SFMBT2: variants seen among roughly 807,000 people sequenced by gnomAD.
The protein encoded by SFMBT2 is scm-like with four MBT domains protein 2.
SFMBT2 carries 38 observed loss-of-function variants against 110.1 expected under a neutral mutation model. That is an observed-to-expected ratio of 0.35 (90% CI 0.27 to 0.45). The LOEUF (loss-of-function observed/expected upper bound fraction) is 0.45. Among genes scored for constraint, SFMBT2 ranks in the 20% least tolerant of loss-of-function variants. SFMBT2 has a pLI of 1.00. For synonymous variants in SFMBT2, 425 were observed against 425.4 expected, an observed-to-expected ratio of 1.00 and a Z score of 0.01; for missense variants, 1,011 against 1,094.9, an observed-to-expected ratio of 0.92 and a Z score of 1.08.
chr10:7,349,469 G>A (rs543509201), intron 4 of SFMBT2, among the ~76,000 whole-genome samples: 33 of 11,398 alleles, frequency 2.9e-3, no homozygotes, highest in Admixed American at 0.022. Flanking sequence ...TTTTTTTTGC[G>A]GGGGGGAGAC....
At chr10:7,336,298 T>C (rs1354242464) in intron 4 of SFMBT2, among the ~76,000 whole-genome samples, 1 of 152,202 alleles carries the variant, frequency 6.6e-6, no homozygotes, top group East Asian at 1.9e-4. Flanking sequence ...GTTTTACAGA[T>C]AGTAAAAGCC....
chr10:7,299,561 A>T (rs1409726260), intron 4 of SFMBT2, among the ~76,000 whole-genome samples: 1 of 152,176 alleles, frequency 6.6e-6, no homozygotes, highest in Non-Finnish European at 1.5e-5. Flanking sequence ...CAGAATGGTG[A>T]TTATTAAAAA....
At chr10:7,330,111 A>C (rs558815925) in intron 4 of SFMBT2, among the ~76,000 whole-genome samples, 74 of 152,270 alleles carry the variant, frequency 4.9e-4, no homozygotes, top group African/African-American at 1.7e-3. Flanking sequence ...GGCTGCCCAA[A>C]GATTGGGTTG....
Position 7,344,180 on chromosome 10 carries a change from T to C in SFMBT2, c.436+23469A>G, listed in dbSNP as rs74954234. On this transcript the variant is annotated intron_variant, in intron 4 of 20. Coordinates refer to ENST00000397167, the MANE Select transcript of SFMBT2 (RefSeq NM_001387889.1). ...TTCTGTCTTTTCATATCCCTAACACTGAAGTATTAGGCATTTTTGCATTTC... is the reference window on the plus strand; with the variant it reads ...TTCTGTCTTTTCATATCCCTAACACCGAAGTATTAGGCATTTTTGCATTTC... Among the ~76,000 whole-genome samples the C allele has an allele frequency of 4.9e-4, 74 of 152,282 alleles. 1 individual carries two copies. In the East Asian group the frequency reaches 0.011, roughly 22 times the overall value.
intron 4 of SFMBT2, among the ~76,000 whole-genome samples, chr10:7,308,131 G>T (rs577145508): frequency 6.6e-6 from 1 of 152,170 alleles, no homozygotes; most frequent in Non-Finnish European, 1.5e-5. Context: ...GAAGCAGAAG[G>T]ACTCCTTCAG....
intron 4 of SFMBT2, among the ~76,000 whole-genome samples, chr10:7,332,697 C>T (rs1229565641): frequency 6.6e-6 from 1 of 152,130 alleles, no homozygotes; most frequent in African/African-American, 2.4e-5. Context: ...CTAAATATTT[C>T]CATTAATGTC....
At chr10:7,352,020 G>A (rs561913798) in intron 4 of SFMBT2, among the ~76,000 whole-genome samples, 120 of 152,154 alleles carry the variant, frequency 7.9e-4, no homozygotes, top group African/African-American at 2.3e-3. Flanking sequence ...AGATGAAGTC[G>A]CTTTTTTCTG....
intron 4 of SFMBT2, chr10:7,348,418 T>A: frequency 8.6e-7 from 1 of 1,169,082 alleles, no homozygotes; most frequent in Non-Finnish European, 1.1e-6. Context: ...TCTTCATAAC[T>A]ACTGTGTAAA....
At chr10:7,283,424 C>T (rs951259835) in intron 6 of SFMBT2, among the ~76,000 whole-genome samples, 1 of 151,954 alleles carries the variant, frequency 6.6e-6, no homozygotes, top group African/African-American at 2.4e-5. Context: ...AATGGATGGT[C>T]AGATAAATAG....
intron 7 of SFMBT2, among the ~76,000 whole-genome samples, chr10:7,271,813 G>A (rs150158220): frequency 7.2e-5 from 11 of 152,308 alleles, no homozygotes; most frequent in African/African-American, 2.6e-4. Flanking sequence ...CAAGAGAAGA[G>A]AGCTTCTGCA....
intron 11 of SFMBT2, chr10:7,207,671 G>C: frequency 5.3e-6 from 5 of 941,680 alleles, no homozygotes; most frequent in Non-Finnish European, 6.3e-6. Flanking sequence ...ACTTCACGAA[G>C]CTAAATGCCA....
At chr10:7,409,607 C>A (rs985566944) in intron 1 of SFMBT2, among the ~76,000 whole-genome samples, 3 of 152,044 alleles carry the variant, frequency 2.0e-5, no homozygotes, top group Admixed American at 6.5e-5. Context: ...CCCTTTCCCC[C>A]CTAGCAATGG....
intron 10 of SFMBT2, among the ~76,000 whole-genome samples, chr10:7,224,646 T>A: frequency 6.6e-6 from 1 of 152,218 alleles, no homozygotes; most frequent in Non-Finnish European, 1.5e-5. Context: ...TTTTTGGTCC[T>A]GTGTCCAGAC....
chr10:7,399,524 G>T (rs185361032), intron 1 of SFMBT2, among the ~76,000 whole-genome samples: 1 of 152,162 alleles, frequency 6.6e-6, no homozygotes, highest in Non-Finnish European at 1.5e-5. Context: ...GAGCCACTGC[G>T]CCCAGCCTAT....
At chr10:7,226,124 C>A (rs1339014971) in intron 10 of SFMBT2, among the ~76,000 whole-genome samples, 1 of 152,246 alleles carries the variant, frequency 6.6e-6, no homozygotes, top group Non-Finnish European at 1.5e-5. Context: ...AGAGCCCGGA[C>A]TGGGAACCAC....
rs1842324187 is a variant in SFMBT2 at position 7,293,705 on chromosome 10, T to C, written c.437-7751A>G. 6.6e-6 allele frequency among the ~76,000 whole-genome samples: 1 copy of C among 152,154 alleles called. No homozygotes were observed. The highest frequency in any genetic ancestry group is 2.1e-4 in the South Asian group (1 of 4,818). On this transcript the variant is annotated intron_variant, in intron 4 of 20. Coordinates refer to ENST00000397167, the MANE Select transcript of SFMBT2 (RefSeq NM_001387889.1). This position sits in a 1 kb window ranked among gnomAD's most constrained non-coding sequence, Gnocchi z 4.6. ...CAGTCAAAGTTCCTCTCTCTTTCTC[T>C]TTCTCTCTCTCTCTTTCTCTCCCTC...
chr10:7,283,924 T>C lies in SFMBT2; in HGVS notation c.752A>G (p.Tyr251Cys), dbSNP rs749103529. ...RPVGWCQENK[Y>C]RMDPPSEIYP... is the part of the protein sequence containing the mutation. ...CTTACCTGAAGGTGGGTCCATTCTGTATTTATTCTCTTGACACCAACCAAC... is the reference window on the plus strand; with the variant it reads ...CTTACCTGAAGGTGGGTCCATTCTGCATTTATTCTCTTGACACCAACCAAC... The change falls in exon 6 of 21, where the codon TAC becomes TGC. Residue 251 changes from tyrosine (Y) to cysteine (C), a missense_variant. Tyr to Cys is a radical substitution (Grantham distance 194, BLOSUM62 -2). Coordinates refer to ENST00000397167, the MANE Select transcript of SFMBT2 (RefSeq NM_001387889.1). The C allele has an allele frequency of 1.3e-5, 21 of 1,599,336 alleles. No homozygotes were observed. The South Asian group carries it at 2.2e-4, about 17-fold the overall frequency.
chr10:7,370,599 C>T (rs1845034332), intron 2 of SFMBT2, among the ~76,000 whole-genome samples: 2 of 152,198 alleles, frequency 1.3e-5, no homozygotes. Context: ...CTGATGAAAT[C>T]AAGAGTAACA....
At chr10:7,212,433 C>T (rs1457670074) in intron 11 of SFMBT2, among the ~76,000 whole-genome samples, 3 of 152,206 alleles carry the variant, frequency 2.0e-5, no homozygotes, top group African/African-American at 4.8e-5. Flanking sequence ...CGGAGAGGAA[C>T]AGAGCCCTGT....
Sources: gnomAD v4.1 joint callset for allele counts (sites outside exome capture counted in the v4.1 genomes callset) on GRCh38, gnomAD v4.1.1 for gene constraint, Gnocchi (gnomAD v3.1) non-coding constraint, MANE v1.5 for transcripts, NCBI Gene and HGNC (gene_info 2026-07-23, HGNC 2026-07-21) for gene names.